TMEM132C: variants seen among roughly 807,000 people sequenced by gnomAD.
TMEM132C encodes the protein protein phosphatase 1, regulatory subunit 152.
Under a neutral mutation model 61.4 loss-of-function variants are expected in TMEM132C, and 29 were observed. That is an observed-to-expected ratio of 0.47 (90% CI 0.35 to 0.64). The LOEUF (loss-of-function observed/expected upper bound fraction) is 0.64, where lower values mean the gene tolerates loss of function less well. Ranked by LOEUF, TMEM132C falls within the 30% of genes least tolerant of loss-of-function variation. TMEM132C has a pLI of 0.00. For missense variants in TMEM132C, 1,408 were observed against 1,476.9 expected (o/e 0.95, Z 0.76); for synonymous variants, 656 against 633.1 (o/e 1.04, Z -0.54).
chr12:128,552,777 G>A (rs980423759), intron 3 of TMEM132C, among the ~76,000 whole-genome samples: 3 of 152,124 alleles, frequency 2.0e-5, no homozygotes, highest in Non-Finnish European at 2.9e-5. Flanking sequence ...TCATGGTGGT[G>A]CGTGCCTGTA....
intron 2 of TMEM132C, among the ~76,000 whole-genome samples, chr12:128,481,050 C>T (rs777040581): frequency 3.3e-5 from 5 of 152,256 alleles, no homozygotes; most frequent in African/African-American, 4.8e-5. Flanking sequence ...GAACTGAAGA[C>T]GCGAATGAAC....
At chr12:128,305,662 G>T (rs1201608984) in intron 1 of TMEM132C, among the ~76,000 whole-genome samples, 6 of 151,754 alleles carry the variant, frequency 4.0e-5, no homozygotes, top group African/African-American at 1.5e-4. Flanking sequence ...GAATTGGCTC[G>T]TGATTAAAAA....
At chr12:128,543,208 C>T (rs963423268) in intron 2 of TMEM132C, among the ~76,000 whole-genome samples, 1 of 152,068 alleles carries the variant, frequency 6.6e-6, no homozygotes, top group Non-Finnish European at 1.5e-5. Flanking sequence ...TGGGGACTTC[C>T]CTGGAGTGAT....
intron 3 of TMEM132C, among the ~76,000 whole-genome samples, chr12:128,545,541 T>C (rs540890236): frequency 1.1e-3 from 165 of 152,380 alleles, no homozygotes; most frequent in South Asian, 2.5e-3. Flanking sequence ...CAAACTACTT[T>C]CCACTGTGAT....
At chr12:128,518,756 G>GGTGTGT (rs935793530) in intron 2 of TMEM132C, among the ~76,000 whole-genome samples, 3 of 149,972 alleles carry the variant, frequency 2.0e-5, no homozygotes, top group East Asian at 1.9e-4. Flanking sequence ...GTGTGTGTGT[G>GGTGTGT]GTGTGTGTGT....
chr12:128,569,486 A>G (rs1283639727), intron 3 of TMEM132C, among the ~76,000 whole-genome samples: 1 of 152,240 alleles, frequency 6.6e-6, no homozygotes, highest in Admixed American at 6.5e-5. Flanking sequence ...TACTACAGCA[A>G]ATATATACAT....
chr12:128,660,664 G>C (rs999757251), intron 4 of TMEM132C, among the ~76,000 whole-genome samples: 3 of 152,156 alleles, frequency 2.0e-5, no homozygotes, highest in African/African-American at 7.2e-5. Context: ...GAAGAAAACG[G>C]CTTGCCAAGC....
At chr12:128,689,860 T>C (rs1031916183) in intron 5 of TMEM132C, among the ~76,000 whole-genome samples, 4 of 152,220 alleles carry the variant, frequency 2.6e-5, no homozygotes, top group Non-Finnish European at 5.9e-5. Flanking sequence ...CTGCTGAATC[T>C]GAGATGGACA....
intron 3 of TMEM132C, among the ~76,000 whole-genome samples, chr12:128,602,744 C>A (rs1593116189): frequency 6.6e-6 from 1 of 152,336 alleles, no homozygotes; most frequent in East Asian, 1.9e-4. Flanking sequence ...GGCCAATGTC[C>A]CACTGCTTTC....
At chr12:128,390,286 G>C (rs776829221) in intron 1 of TMEM132C, among the ~76,000 whole-genome samples, 5 of 152,182 alleles carry the variant, frequency 3.3e-5, no homozygotes, top group Non-Finnish European at 7.3e-5. Context: ...GGGCCTCAGC[G>C]GGCAGAAAGC....
In TMEM132C at chr12:128,530,222, C is replaced by T. The variant is rs376299196; in HGVS notation, c.975-13735C>T. Reference sequence around the variant, plus strand: ...AAGCGGTAATTGCCATGCAAGATGCCGGGGACAGTTTTCTATGTAGATCAG... The same window carrying T: ...AAGCGGTAATTGCCATGCAAGATGCTGGGGACAGTTTTCTATGTAGATCAG... On this transcript the variant is annotated intron_variant, in intron 2 of 8. Coordinates refer to ENST00000435159, the MANE Select transcript of TMEM132C (RefSeq NM_001136103.3). Among the ~76,000 whole-genome samples the T allele has an allele frequency of 1.6e-4, 25 of 152,194 alleles. 1 individual carries two copies. Among genetic ancestry groups the T allele is most frequent in the African/African-American group, 4.8e-4 (20 of 41,522 alleles).
chr12:128,402,035 A>G (rs1303721076), intron 1 of TMEM132C, among the ~76,000 whole-genome samples: 2 of 152,174 alleles, frequency 1.3e-5, no homozygotes, highest in Non-Finnish European at 1.5e-5. Flanking sequence ...GGTGGCCCTG[A>G]TGTCATCACA....
At chr12:128,586,070 A>G (rs1875536462) in intron 3 of TMEM132C, among the ~76,000 whole-genome samples, 1 of 152,210 alleles carries the variant, frequency 6.6e-6, no homozygotes, top group Non-Finnish European at 1.5e-5. Flanking sequence ...CCTTACCACA[A>G]TGCAAAAGAA....
rs1017510188 is a variant in TMEM132C at position 128,604,651 on chromosome 12, C to T, written c.1122-11501C>T. On this transcript the variant is annotated intron_variant, in intron 3 of 8. Transcript: ENST00000435159. ...GGAAGATAGATAATAGATGGATAGA[C>T]AGATGAAACAAATGGATAGATAGAT... is the stretch of plus-strand genomic sequence containing the variant. 2.4e-4 allele frequency among the ~76,000 whole-genome samples: 36 copies of T among 150,196 alleles called. 1 individual carries two copies. The highest frequency in any genetic ancestry group is 8.6e-4 in the African/African-American group (35 of 40,808).
At chr12:128,696,477 G>A (rs1172557181) in intron 7 of TMEM132C, among the ~76,000 whole-genome samples, 1 of 152,100 alleles carries the variant, frequency 6.6e-6, no homozygotes, top group Non-Finnish European at 1.5e-5. Flanking sequence ...AGTGGCCCAG[G>A]GAAAAAGCAT....
chr12:128,464,397 T>G lies in TMEM132C; in HGVS notation c.974+48777T>G, dbSNP rs577032887. 2.6e-5 allele frequency among the ~76,000 whole-genome samples: 4 copies of G among 152,286 alleles called. No individual in the cohort carries two copies. The East Asian group carries it at 7.7e-4, about 29-fold the overall frequency. ...AGCCAGGTCCCCAGACCTTAGCTGA[T>G]GGACCAGGAGCAGGTGATCTCACCC... On this transcript the variant is annotated intron_variant, in intron 2 of 8. Transcript: ENST00000435159.
intron 3 of TMEM132C, 63 bp downstream of exon 3, chr12:128,544,166 C>G: frequency 1.4e-6 from 2 of 1,447,750 alleles, no homozygotes; most frequent in Non-Finnish European, 9.1e-7. Flanking sequence ...CCGGCTGGTG[C>G]GTAAGAGCCT....
chr12:128,325,973 C>T (rs538263499), intron 1 of TMEM132C, among the ~76,000 whole-genome samples: 2 of 152,024 alleles, frequency 1.3e-5, no homozygotes, highest in Non-Finnish European at 2.9e-5. Flanking sequence ...TGTGGTCCCT[C>T]GTTGCACACG....
intron 1 of TMEM132C, among the ~76,000 whole-genome samples, chr12:128,325,600 C>G (rs1872483637): frequency 6.6e-6 from 1 of 152,052 alleles, no homozygotes; most frequent in Non-Finnish European, 1.5e-5. Flanking sequence ...TTTATACATA[C>G]TTGTCTTTCC....
Sources: allele counts gnomAD v4.1 joint callset (sites outside exome capture counted in the v4.1 genomes callset), GRCh38; gene constraint gnomAD v4.1.1; transcripts MANE v1.5; gene names NCBI Gene and HGNC (gene_info 2026-07-23, HGNC 2026-07-21).